SYT1: variants seen among roughly 807,000 people sequenced by gnomAD.
SYT1 encodes the protein synaptotagmin 1.
In SYT1, 8 loss-of-function variants were observed where a neutral mutation model predicts 44.8. That is an observed-to-expected ratio of 0.18 (90% CI 0.10 to 0.32). SYT1 has a LOEUF of 0.32. SYT1 is among the 10% of genes least tolerant of loss of function. The pLI, the probability that SYT1 is intolerant of heterozygous loss-of-function variation, is 1.00. For missense variants in SYT1, 286 were observed against 509.3 expected (o/e 0.56, Z 4.22); for synonymous variants, 154 against 188.8 (o/e 0.82, Z 1.51).
intron 3 of SYT1, among the ~76,000 whole-genome samples, chr12:79,049,679 C>T (rs1874326387): frequency 6.6e-6 from 1 of 151,834 alleles, no homozygotes. Flanking sequence ...AATACAGTGA[C>T]ATTTTATCTA....
At chr12:79,302,234 T>TG (rs536312870) in intron 8 of SYT1, among the ~76,000 whole-genome samples, 15 of 152,278 alleles carry the variant, frequency 9.9e-5, no homozygotes, top group Admixed American at 5.2e-4. Flanking sequence ...AGATGAAAGA[T>TG]ATCAAAGAAA....
At chr12:79,102,781 A>T (rs894648388) in intron 3 of SYT1, among the ~76,000 whole-genome samples, 1 of 152,240 alleles carries the variant, frequency 6.6e-6, no homozygotes, top group East Asian at 1.9e-4. Flanking sequence ...TTGCAGTAGT[A>T]AGGATGAGCC....
At chr12:79,066,145 A>G (rs1422326920) in intron 3 of SYT1, among the ~76,000 whole-genome samples, 3 of 152,294 alleles carry the variant, frequency 2.0e-5, no homozygotes, top group South Asian at 2.1e-4. Context: ...ACAAATGCAG[A>G]GACCACACAT....
rs573715825 is a variant in SYT1 at position 79,210,933 on chromosome 12, G to GTT, written c.-17-6555_-17-6554dup. On this transcript the variant is annotated intron_variant, in intron 3 of 10. Transcript: ENST00000261205. ...TTTAGCTTCTGAATTACATTTTAAA[G>GTT]TTTTTTTTTTTTTTTTGAAAATCTG... Among the ~76,000 whole-genome samples the GTT allele has an allele frequency of 1.8e-4, 25 of 135,170 alleles. 1 individual carries two copies. The highest frequency in any genetic ancestry group is 4.4e-4 in the Admixed American group (6 of 13,550). The allele number at this position is 135,170 out of a possible 152,430, so 88.7% of individuals were successfully genotyped here.
intron 3 of SYT1, among the ~76,000 whole-genome samples, chr12:79,122,908 T>C (rs55938945): frequency 0.14 from 20,907 of 152,122 alleles, 1,481 homozygotes; most frequent in South Asian, 0.19. Flanking sequence ...GATGACACCT[T>C]CTAAGTAAAG....
intron 9 of SYT1, among the ~76,000 whole-genome samples, chr12:79,357,865 T>C (rs1883172815): frequency 6.6e-6 from 1 of 152,194 alleles, no homozygotes; most frequent in East Asian, 1.9e-4. Context: ...AGAAATGTTT[T>C]CTATTTGGGA....
intron 3 of SYT1, among the ~76,000 whole-genome samples, chr12:79,094,422 C>T (rs1173430741): frequency 6.6e-6 from 1 of 151,716 alleles, no homozygotes; most frequent in African/African-American, 2.4e-5. Context: ...TTCTTTAAGC[C>T]AATTTGAAAT....
chr12:79,293,411 T>TAAAATAATA (rs1565894734), intron 6 of SYT1, among the ~76,000 whole-genome samples: 1 of 62,938 alleles, frequency 1.6e-5, no homozygotes, highest in African/African-American at 5.6e-5. Flanking sequence ...AAAATAAAAT[T>TAAAATAATA]AAAAAATCTG....
rs34423509 is a variant in SYT1, at chr12:79,386,310, G to GT, written c.928+32702dup. ...GGGTTTTCCCCAAATACATTTTTGG[G>GT]TTTTTTTTTTTCCTTCCTTAGTATT... On this transcript the variant is annotated intron_variant, in intron 9 of 10. Transcript: ENST00000261205. Among the ~76,000 whole-genome samples, 124 of 147,890 alleles carry GT rather than the reference G, an allele frequency of 8.4e-4. 1 individual carries two copies. Among genetic ancestry groups the GT allele is most frequent in the Admixed American group, 1.3e-3 (19 of 15,008 alleles).
At chr12:79,213,648 C>T (rs1020576465) in intron 3 of SYT1, among the ~76,000 whole-genome samples, 6 of 152,138 alleles carry the variant, frequency 3.9e-5, no homozygotes, top group South Asian at 2.1e-4. Context: ...TCAGGCTGGG[C>T]GCCTGATGGC....
Position 79,269,285 on chromosome 12 carries a change from T to C in SYT1, c.167-16502T>C, listed in dbSNP as rs1053569918. 4.6e-5 allele frequency among the ~76,000 whole-genome samples: 7 copies of C among 152,062 alleles called. No individual in the cohort carries two copies. The South Asian group carries it at 1.5e-3, about 32-fold the overall frequency. ...AAAGTCCCTCTCCATGAGCTTTATATATATATCTTGCCCTTCTCTAACCAG... is the reference window on the plus strand; with the variant it reads ...AAAGTCCCTCTCCATGAGCTTTATACATATATCTTGCCCTTCTCTAACCAG... On this transcript the variant is annotated intron_variant, in intron 4 of 10. Transcript: ENST00000261205.
At chr12:78,910,969 A>G (rs1403882422) in intron 1 of SYT1, among the ~76,000 whole-genome samples, 1 of 152,044 alleles carries the variant, frequency 6.6e-6, no homozygotes, top group African/African-American at 2.4e-5. Flanking sequence ...AAAAGATCAA[A>G]GTAGACATAG....
intron 3 of SYT1, among the ~76,000 whole-genome samples, chr12:79,067,010 A>G (rs1428684382): frequency 6.6e-6 from 1 of 152,214 alleles, no homozygotes; most frequent in African/African-American, 2.4e-5. Context: ...GCCTTGATGC[A>G]GTGTTACTAT....
In SYT1 at chr12:79,116,549, C is replaced by T. The variant is rs1879290008; in HGVS notation, c.-18+69187C>T. Among the ~76,000 whole-genome samples, 5 of 152,220 alleles carry T rather than the reference C, an allele frequency of 3.3e-5. No individual in the cohort carries two copies. The South Asian group carries it at 1.0e-3, about 32-fold the overall frequency. ...GCATAGGGTATTAATATAACATGCC[C>T]AACGTGGGTGAACTAAGGATTCAAA... On this transcript the variant is annotated intron_variant, in intron 3 of 10. Transcript: ENST00000261205.
In SYT1 at chr12:79,062,292, G is replaced by A. The variant is rs572908727; in HGVS notation, c.-18+14930G>A. Among the ~76,000 whole-genome samples the A allele has an allele frequency of 1.2e-4, 19 of 152,270 alleles. No individual in the cohort carries two copies. The South Asian group carries it at 3.7e-3, about 30-fold the overall frequency. On this transcript the variant is annotated intron_variant, in intron 3 of 10. Transcript: ENST00000261205. ...GCTTGGGAAAGACAATTCTGAGAGT[G>A]TCCTATTGATTCAGATGTTTTCTGA...
At chr12:79,162,629 C>CT (rs1204942877) in intron 3 of SYT1, among the ~76,000 whole-genome samples, 1 of 151,934 alleles carries the variant, frequency 6.6e-6, no homozygotes. Flanking sequence ...TTAGCTTTTT[C>CT]TTTTTTTAGC....
chr12:79,040,639 T>C (rs1029669935), intron 2 of SYT1, among the ~76,000 whole-genome samples: 2 of 151,986 alleles, frequency 1.3e-5, no homozygotes, highest in Non-Finnish European at 2.9e-5. Flanking sequence ...TAGATCCCAT[T>C]TGTCAATTTT....
chr12:79,316,402 G>A (rs1206098495), intron 8 of SYT1, among the ~76,000 whole-genome samples: 1 of 152,164 alleles, frequency 6.6e-6, no homozygotes, highest in African/African-American at 2.4e-5. Flanking sequence ...CCTATTGGTG[G>A]ACTTTTGGGT....
At chr12:79,348,796 A>G (rs183088363) in intron 8 of SYT1, among the ~76,000 whole-genome samples, 9 of 151,904 alleles carry the variant, frequency 5.9e-5, no homozygotes, top group Non-Finnish European at 1.2e-4. Context: ...TAGGATGGTG[A>G]AGGTGGTAGT....
Sources: gnomAD v4.1 joint callset for allele counts (sites outside exome capture counted in the v4.1 genomes callset) on GRCh38, gnomAD v4.1.1 for gene constraint, MANE v1.5 for transcripts, NCBI Gene and HGNC (gene_info 2026-07-23, HGNC 2026-07-21) for gene names.